The following NAV3 variants were observed in gnomAD, a reference collection of about 807,000 sequenced individuals.
NAV3 encodes pore membrane and/or filament interacting like protein 1.
A neutral mutation model predicts 244.7 loss-of-function variants in NAV3; 87 were observed. That is an observed-to-expected ratio of 0.36 (90% confidence interval 0.30 to 0.42). The LOEUF is 0.42. Among genes scored for constraint, NAV3 ranks in the 20% least tolerant of loss-of-function variants. NAV3 has a pLI of 1.00. For synonymous variants in NAV3, 1,126 were observed against 1,042.2 expected, an observed-to-expected ratio of 1.08 and a Z score of -1.55; for missense variants, 2,663 against 2,893.3, an observed-to-expected ratio of 0.92 and a Z score of 1.83.
chr12:78,049,472 A>C (rs1882397687), intron 9 of NAV3, among the ~76,000 whole-genome samples: 1 of 152,100 alleles, frequency 6.6e-6, no homozygotes, highest in Admixed American at 6.5e-5. Flanking sequence ...GGAGTTCCCC[A>C]ACCCTTTGCA....
At chr12:78,102,305 A>G (rs1252178305) in intron 12 of NAV3, among the ~76,000 whole-genome samples, 3 of 152,178 alleles carry the variant, frequency 2.0e-5, no homozygotes, top group African/African-American at 7.2e-5. Context: ...TGGGCAGTCA[A>G]ATTGTAAAAC....
At chr12:77,710,254 A>G (rs972775823) in intron 2 of NAV3, among the ~76,000 whole-genome samples, 10 of 152,324 alleles carry the variant, frequency 6.6e-5, no homozygotes, top group Non-Finnish European at 1.3e-4. Flanking sequence ...AGGATTTTGC[A>G]TGGATTCTCT....
intron 6 of NAV3, 147 bp from the exon 7 acceptor site, chr12:77,998,190 A>G (rs941030447): frequency 1.3e-5 from 6 of 474,430 alleles, no homozygotes; most frequent in Non-Finnish European, 1.4e-5. Flanking sequence ...CATTGTGCTT[A>G]GCTATTTATT....
At chr12:77,907,111 C>T (rs1886067652) in intron 1 of NAV3, among the ~76,000 whole-genome samples, 1 of 152,242 alleles carries the variant, frequency 6.6e-6, no homozygotes, top group African/African-American at 2.4e-5. Context: ...CTTTGTCCAG[C>T]TTGAATTTCC....
At chr12:78,130,855 A>G (rs1024292895) in intron 18 of NAV3, 1 of 194,212 alleles carries the variant, frequency 5.1e-6, no homozygotes, top group Non-Finnish European at 1.1e-5. Flanking sequence ...TTTCAGGTCT[A>G]TATTCTCCAG....
chr12:77,929,405 A>G (rs1027421649), intron 1 of NAV3, among the ~76,000 whole-genome samples: 12 of 152,202 alleles, frequency 7.9e-5, no homozygotes, highest in Admixed American at 2.0e-4. Context: ...CCTATAAGCT[A>G]TAAGCCAGTC....
At chr12:77,630,734 G>T (rs552532132) in intron 2 of NAV3, among the ~76,000 whole-genome samples, 1 of 152,222 alleles carries the variant, frequency 6.6e-6, no homozygotes, top group South Asian at 2.1e-4. Context: ...TCCTTGCTAA[G>T]ATAGATGGGA....
rs2138627902 is a variant in NAV3 at position 78,119,712 on chromosome 12, G to T, written c.3516G>T (p.Gly1172=). ...CCAACGTCAGCAGCAAGTCTGCTGG[G>T]GCCACCACCTCGAAACTGAGAGAAC... ...IDSNVSSKSA[G]ATTSKLREPT... The change falls in exon 15 of 40, where the codon GGG becomes GGT. Residue 1172 remains glycine, a synonymous_variant. Coordinates refer to ENST00000397909, the MANE Select transcript of NAV3 (RefSeq NM_001024383.2). 2 of 1,614,104 alleles carry T rather than the reference G, an allele frequency of 1.2e-6. No homozygotes were observed. Among genetic ancestry groups the T allele is most frequent in the Non-Finnish European group, 1.7e-6 (2 of 1,180,022 alleles).
chr12:77,765,901 G>C (rs550655774), intron 2 of NAV3, among the ~76,000 whole-genome samples: 5 of 152,236 alleles, frequency 3.3e-5, no homozygotes, highest in Admixed American at 3.3e-4. Flanking sequence ...AATAAAAGAG[G>C]AGGGAGTCGG....
rs1958283599 is a variant in NAV3 at position 78,177,435 on chromosome 12, C to G, written c.5297+122C>G. The G allele has an allele frequency of 5.9e-6, 7 of 1,195,970 alleles. No individual in the cohort carries two copies. In the East Asian group the frequency reaches 1.7e-4, roughly 30 times the overall value. 74.1% of individuals were successfully genotyped at this position (1,195,970 alleles called of 1,614,324 possible). ...TTCAGATTTTTCTGAGAATGATGGA[C>G]AGCATTAGTTTCTCTTTTCATATTT... On this transcript the variant is annotated intron_variant, in intron 27 of 39. Coordinates refer to ENST00000397909, the MANE Select transcript of NAV3 (RefSeq NM_001024383.2).
intron 2 of NAV3, among the ~76,000 whole-genome samples, chr12:77,822,724 GA>G (rs1253297313): frequency 6.6e-6 from 1 of 151,998 alleles, no homozygotes; most frequent in Non-Finnish European, 1.5e-5. Flanking sequence ...CATTAGTCCT[GA>G]AGACAATCTA....
chr12:78,198,358 A>G (rs575652190), intron 35 of NAV3, among the ~76,000 whole-genome samples: 13 of 152,092 alleles, frequency 8.5e-5, no homozygotes, highest in African/African-American at 3.1e-4. Context: ...AATACTGTAA[A>G]TTACAAATAA....
At chr12:77,903,499 T>C (rs1206240686) in intron 1 of NAV3, among the ~76,000 whole-genome samples, 5 of 152,274 alleles carry the variant, frequency 3.3e-5, no homozygotes, top group Admixed American at 3.3e-4. Flanking sequence ...TAATTCAAGA[T>C]GGATTAAAGA....
Position 78,212,220 on chromosome 12 carries a change from T to G in NAV3, c.*1703T>G, listed in dbSNP as rs187113216. 6.5e-6 allele frequency: 1 copy of G among 152,730 alleles called. No individual in the cohort carries two copies. Among genetic ancestry groups the G allele is most frequent in the African/African-American group, 2.4e-5 (1 of 41,576 alleles). 9.5% of individuals were successfully genotyped at this position (152,730 alleles called of 1,614,324 possible). ...TTTAAAGAGAGTGCATGAAAACTGA[T>G]CAGTCATTGGAGAAGTTACCACCAC... On this transcript the variant is annotated 3_prime_UTR_variant, in exon 40 of 40. Coordinates refer to ENST00000397909, the MANE Select transcript of NAV3 (RefSeq NM_001024383.2).
At chr12:78,061,426 A>G (rs996228592) in intron 12 of NAV3, among the ~76,000 whole-genome samples, 2 of 152,178 alleles carry the variant, frequency 1.3e-5, no homozygotes, top group Non-Finnish European at 2.9e-5. Flanking sequence ...GTTATACCTG[A>G]AATAAATTGG....
chr12:77,912,867 C>T (rs1474715454), intron 1 of NAV3, among the ~76,000 whole-genome samples: 1 of 152,130 alleles, frequency 6.6e-6, no homozygotes. Flanking sequence ...CTGCCTTGGC[C>T]TCCCAAAGTG....
chr12:78,104,990 C>T (rs979774601), intron 12 of NAV3, among the ~76,000 whole-genome samples: 3 of 152,034 alleles, frequency 2.0e-5, no homozygotes, highest in African/African-American at 7.2e-5. Context: ...GTTCACAATG[C>T]TGAGTGTTTG....
chr12:78,064,096 A>G (rs1029781149), intron 12 of NAV3, among the ~76,000 whole-genome samples: 6 of 152,168 alleles, frequency 3.9e-5, no homozygotes, highest in Admixed American at 3.9e-4. Context: ...AAATTAGATG[A>G]GCACCTAACT....
intron 1 of NAV3, among the ~76,000 whole-genome samples, chr12:77,923,390 A>C (rs1367360382): frequency 6.6e-6 from 1 of 152,120 alleles, no homozygotes; most frequent in Non-Finnish European, 1.5e-5. Context: ...TAGGAGAGAG[A>C]GAGCTAGATT....
Sources: allele counts gnomAD v4.1 joint callset (sites outside exome capture counted in the v4.1 genomes callset), GRCh38; gene constraint gnomAD v4.1.1; transcripts MANE v1.5; gene names NCBI Gene and HGNC (gene_info 2026-07-23, HGNC 2026-07-21).